The following PTPRK variants were observed in gnomAD, a reference collection of about 807,000 sequenced individuals.
The protein encoded by PTPRK is receptor-type tyrosine-protein phosphatase kappa.
PTPRK carries 75 observed loss-of-function variants against 178.0 expected under a neutral mutation model. The ratio of observed to expected loss-of-function variants is 0.42; its 90% CI spans 0.35 to 0.51. PTPRK has a LOEUF of 0.51. Ranked by LOEUF, PTPRK falls within the 20% of genes least tolerant of loss-of-function variation. The probability of loss-of-function intolerance (pLI) is 0.02; values close to 1 mark genes in which losing one functional copy is unlikely to be tolerated. For synonymous variants in PTPRK, 637 were observed against 620.6 expected, an observed-to-expected ratio of 1.03 and a Z score of -0.39; for missense variants, 1,441 against 1,797.8, an observed-to-expected ratio of 0.80 and a Z score of 3.59.
chr6:128,346,099 G>A (rs1832399428), intron 2 of PTPRK, among the ~76,000 whole-genome samples: 1 of 151,980 alleles, frequency 6.6e-6, no homozygotes, highest in Non-Finnish European at 1.5e-5. Flanking sequence ...ATAACAATCA[G>A]AAGCAGGAAA....
chr6:128,232,375 G>A (rs911966988), intron 5 of PTPRK, among the ~76,000 whole-genome samples: 3 of 152,182 alleles, frequency 2.0e-5, no homozygotes, highest in African/African-American at 4.8e-5. Context: ...AGAATCACAT[G>A]TCAGGGCAAA....
chr6:128,399,813 T>C (rs866341967), intron 1 of PTPRK, among the ~76,000 whole-genome samples: 1 of 152,112 alleles, frequency 6.6e-6, no homozygotes. Flanking sequence ...CAACTAGGAG[T>C]AGCTGTACAA....
intron 3 of PTPRK, among the ~76,000 whole-genome samples, chr6:128,315,916 G>A (rs1434622344): frequency 1.3e-5 from 2 of 152,102 alleles, no homozygotes; most frequent in African/African-American, 2.4e-5. Flanking sequence ...AAATGAAAAT[G>A]GACAGAGTTC....
intron 13 of PTPRK, among the ~76,000 whole-genome samples, chr6:128,043,182 A>G (rs1388318908): frequency 2.0e-5 from 3 of 152,100 alleles, no homozygotes; most frequent in Non-Finnish European, 4.4e-5. Context: ...AATTATTACG[A>G]TAGACCTCTG....
At chr6:128,061,203 T>C (rs935460249) in intron 13 of PTPRK, among the ~76,000 whole-genome samples, 6 of 152,100 alleles carry the variant, frequency 3.9e-5, no homozygotes, top group African/African-American at 7.2e-5. Context: ...AAAATACAAC[T>C]TTTTCTAAAA....
intron 13 of PTPRK, among the ~76,000 whole-genome samples, chr6:128,018,185 T>A (rs771074700): frequency 1.1e-4 from 16 of 152,160 alleles, no homozygotes; most frequent in South Asian, 2.1e-4. Context: ...CTAATGATTT[T>A]TACATAGTTA....
At position 128,161,483 on chromosome 6, in the gene PTPRK, T is replaced by C. The variant is rs376481526; in HGVS notation, c.1162+22949A>G. Among the ~76,000 whole-genome samples the C allele has an allele frequency of 5.3e-5, 8 of 151,756 alleles. 1 individual carries two copies. The South Asian group carries it at 1.2e-3, about 24-fold the overall frequency. ...TTTAAAATGCCCGAGGTAAAGAAAG[T>C]AATCTACTGTTCTCTGACATTCACT... On this transcript the variant is annotated intron_variant, in intron 7 of 29. Coordinates refer to ENST00000368226, the MANE Select transcript of PTPRK (RefSeq NM_002844.4).
intron 2 of PTPRK, among the ~76,000 whole-genome samples, chr6:128,396,752 C>A (rs1305626592): frequency 6.6e-6 from 1 of 152,180 alleles, no homozygotes; most frequent in Non-Finnish European, 1.5e-5. Flanking sequence ...GTAATCCCAG[C>A]AGTTTGGGAG....
chr6:128,142,102 T>C (rs560243614), intron 7 of PTPRK, among the ~76,000 whole-genome samples: 1 of 151,918 alleles, frequency 6.6e-6, no homozygotes, highest in African/African-American at 2.4e-5. Context: ...TATATGCATA[T>C]GTCAAGTATA....
intron 1 of PTPRK, among the ~76,000 whole-genome samples, chr6:128,490,100 A>C (rs1853550443): frequency 6.6e-6 from 1 of 152,228 alleles, no homozygotes; most frequent in African/African-American, 2.4e-5. Context: ...ACTTTAATTC[A>C]AACAACTGCT....
intron 2 of PTPRK, among the ~76,000 whole-genome samples, chr6:128,367,061 T>C (rs990484679): frequency 2.0e-5 from 3 of 152,128 alleles, no homozygotes; most frequent in Admixed American, 6.6e-5. Context: ...ACCTACTATA[T>C]TATAGTACCT....
intron 1 of PTPRK, among the ~76,000 whole-genome samples, chr6:128,475,901 T>A (rs2128420930): frequency 6.6e-6 from 1 of 152,192 alleles, no homozygotes; most frequent in South Asian, 2.1e-4. Context: ...TTATACACGA[T>A]GTTCAGTGTC....
In PTPRK at chr6:128,410,307, T is replaced by C. The variant is rs374298478; in HGVS notation, c.101-12619A>G. On this transcript the variant is annotated intron_variant, in intron 1 of 29. Coordinates refer to ENST00000368226, the MANE Select transcript of PTPRK (RefSeq NM_002844.4). The stretch of plus-strand genomic sequence containing the variant: ...TATGTGCACCCTCTCCCTGCTGCGA[T>C]CAGCTCAACAAGTAAATATACCCAC... 3.3e-5 allele frequency among the ~76,000 whole-genome samples: 5 copies of C among 152,206 alleles called. No individual in the cohort carries two copies. The East Asian group carries it at 7.7e-4, about 23-fold the overall frequency.
intron 2 of PTPRK, among the ~76,000 whole-genome samples, chr6:128,383,773 T>C (rs1214956357): frequency 6.6e-6 from 1 of 152,194 alleles, no homozygotes; most frequent in South Asian, 2.1e-4. Context: ...TCAAGAACAG[T>C]GTGGTTTTAT....
intron 1 of PTPRK, among the ~76,000 whole-genome samples, chr6:128,482,087 T>C (rs1446453075): frequency 6.6e-6 from 1 of 152,146 alleles, no homozygotes; most frequent in Non-Finnish European, 1.5e-5. Context: ...CTGTTTCTTT[T>C]TGGTTGTTTG....
chr6:128,001,942 G>T (rs1777878127), intron 15 of PTPRK, among the ~76,000 whole-genome samples: 1 of 151,808 alleles, frequency 6.6e-6, no homozygotes, highest in South Asian at 2.1e-4. Flanking sequence ...GGCATCTGAT[G>T]TATCCTTAAT....
chr6:127,970,690 T>G (rs1445917267), intron 29 of PTPRK, among the ~76,000 whole-genome samples: 25 of 152,078 alleles, frequency 1.6e-4, no homozygotes, highest in Admixed American at 1.6e-3. Flanking sequence ...CACCTTAGTT[T>G]GCCTCAGTTC....
intron 4 of PTPRK, among the ~76,000 whole-genome samples, chr6:128,241,761 T>G (rs2128284066): frequency 6.6e-6 from 1 of 151,264 alleles, no homozygotes; most frequent in Non-Finnish European, 1.5e-5. Context: ...ATAAACCGAG[T>G]TTCTTGTTTT....
At chr6:128,336,797 T>G (rs1830993085) in intron 2 of PTPRK, among the ~76,000 whole-genome samples, 1 of 152,202 alleles carries the variant, frequency 6.6e-6, no homozygotes, top group African/African-American at 2.4e-5. Flanking sequence ...GGGATTAAAC[T>G]CTGCAAACAC....
Sources: allele counts gnomAD v4.1 joint callset (sites outside exome capture counted in the v4.1 genomes callset), GRCh38; gene constraint gnomAD v4.1.1; transcripts MANE v1.5; gene names NCBI Gene and HGNC (gene_info 2026-07-23, HGNC 2026-07-21).